GPC6: variants seen among roughly 807,000 people sequenced by gnomAD.
GPC6 encodes glypican 6, also known as glypican-6.
Under a neutral mutation model 55.2 loss-of-function variants are expected in GPC6, and 14 were observed. That is an observed-to-expected ratio of 0.25 (90% CI 0.17 to 0.40). GPC6 has a LOEUF of 0.40. GPC6 is among the 10% of genes least tolerant of loss of function. The probability of loss-of-function intolerance (pLI) is 1.00; values close to 1 mark genes in which losing one functional copy is unlikely to be tolerated. For missense variants in GPC6, 641 were observed against 708.5 expected, an observed-to-expected ratio of 0.90 and a Z score of 1.08; for synonymous variants, 278 against 259.6, an observed-to-expected ratio of 1.07 and a Z score of -0.68.
intron 2 of GPC6, among the ~76,000 whole-genome samples, chr13:93,806,205 C>T (rs181966899): frequency 6.6e-6 from 1 of 152,264 alleles, no homozygotes; most frequent in East Asian, 1.9e-4. Context: ...TAAGCCACAC[C>T]TTGGTTGTCA....
intron 3 of GPC6, among the ~76,000 whole-genome samples, chr13:93,833,314 G>C (rs7339346): frequency 6.6e-6 from 1 of 152,008 alleles, no homozygotes; most frequent in Non-Finnish European, 1.5e-5. Context: ...GTGATCTACT[G>C]GTACTATGAT....
At chr13:93,946,285 A>C (rs181487194) in intron 3 of GPC6, among the ~76,000 whole-genome samples, 1 of 152,202 alleles carries the variant, frequency 6.6e-6, no homozygotes, top group Admixed American at 6.5e-5. Context: ...GGAAGTCATA[A>C]GTTTTGAGCA....
chr13:93,449,647 G>A (rs1480249446), intron 1 of GPC6, among the ~76,000 whole-genome samples: 7 of 152,070 alleles, frequency 4.6e-5, no homozygotes, highest in Non-Finnish European at 7.4e-5. Context: ...GGCCAACATG[G>A]TGAAACCCCA....
At position 94,257,726 on chromosome 13, in the gene GPC6, A is replaced by C. The variant is rs140309856; in HGVS notation, c.878-28623A>C. Among the ~76,000 whole-genome samples, 1,120 of 152,330 alleles carry C rather than the reference A, an allele frequency of 7.4e-3. 8 individuals are homozygous for C. The highest frequency in any genetic ancestry group is 0.024 in the African/African-American group (998 of 41,582). On this transcript the variant is annotated intron_variant, in intron 4 of 8. Transcript: ENST00000377047. ...GCTGGTTTCTCATTTATTGAATGGC[A>C]GAAATAAGGCTAAATGTTGCAGATA...
chr13:93,498,271 T>A (rs902903694), intron 1 of GPC6, among the ~76,000 whole-genome samples: 3 of 152,242 alleles, frequency 2.0e-5, no homozygotes, highest in Admixed American at 2.0e-4. Context: ...CCTTTCCTGC[T>A]AGTCACTTGG....
intron 1 of GPC6, among the ~76,000 whole-genome samples, chr13:93,512,706 G>A (rs1881029152): frequency 6.6e-6 from 1 of 151,990 alleles, no homozygotes; most frequent in Admixed American, 6.6e-5. Flanking sequence ...GTTAGGAGAA[G>A]GAAGAAGATA....
At chr13:93,245,519 T>G (rs1209341485) in intron 1 of GPC6, among the ~76,000 whole-genome samples, 4 of 152,202 alleles carry the variant, frequency 2.6e-5, no homozygotes, top group African/African-American at 9.6e-5. Flanking sequence ...TCCCAGACTT[T>G]CTGATTCAGT....
chr13:93,428,009 A>T (rs1419179052), intron 1 of GPC6, among the ~76,000 whole-genome samples: 2 of 152,140 alleles, frequency 1.3e-5, no homozygotes, highest in African/African-American at 4.8e-5. Context: ...CTTCAGTACT[A>T]GTATTCTGCT....
intron 5 of GPC6, among the ~76,000 whole-genome samples, chr13:94,295,162 A>T (rs1312808910): frequency 1.3e-5 from 2 of 152,110 alleles, no homozygotes; most frequent in Non-Finnish European, 2.9e-5. Context: ...TAGTTGTTCT[A>T]TGTTGTGTGA....
At chr13:93,800,316 T>G (rs1594468391) in intron 2 of GPC6, among the ~76,000 whole-genome samples, 1 of 152,204 alleles carries the variant, frequency 6.6e-6, no homozygotes, top group East Asian at 1.9e-4. Flanking sequence ...GACCAGAGCT[T>G]ATTCATAATG....
chr13:93,707,985 G>A (rs1033742080), intron 2 of GPC6, among the ~76,000 whole-genome samples: 2 of 151,698 alleles, frequency 1.3e-5, no homozygotes, highest in Non-Finnish European at 2.9e-5. Flanking sequence ...TATGGCTAAT[G>A]TCCAATTCCT....
At chr13:94,010,676 A>G (rs754842804) in intron 3 of GPC6, among the ~76,000 whole-genome samples, 4 of 152,208 alleles carry the variant, frequency 2.6e-5, no homozygotes, top group Non-Finnish European at 5.9e-5. Flanking sequence ...GAATATTCGT[A>G]AATTATATTT....
At chr13:93,973,844 G>A (rs943546305) in intron 3 of GPC6, among the ~76,000 whole-genome samples, 87 of 152,136 alleles carry the variant, frequency 5.7e-4, no homozygotes, top group Non-Finnish European at 7.2e-4. Flanking sequence ...GGTTCTCAAA[G>A]GGGTACATGA....
rs78610624 is a variant in GPC6 at position 93,351,242 on chromosome 13, C to T, written c.160+123626C>T. On this transcript the variant is annotated intron_variant, in intron 1 of 8. Coordinates refer to ENST00000377047, the MANE Select transcript of GPC6 (RefSeq NM_005708.5). ...TTCATCCTGTTTATAATAGTAGTTGCAGTTAAACAAACTAAGCTAATATTA... is the reference window on the plus strand; with the variant it reads ...TTCATCCTGTTTATAATAGTAGTTGTAGTTAAACAAACTAAGCTAATATTA... Among the ~76,000 whole-genome samples the T allele has an allele frequency of 3.7e-4, 57 of 152,142 alleles. 2 individuals carry two copies. The East Asian group carries it at 8.1e-3, about 22-fold the overall frequency.
chr13:93,270,901 T>A (rs1321306515), intron 1 of GPC6, among the ~76,000 whole-genome samples: 2 of 152,174 alleles, frequency 1.3e-5, no homozygotes, highest in African/African-American at 4.8e-5. Flanking sequence ...AGATTAAAGC[T>A]GATTGTAGGT....
At chr13:93,581,756 T>C (rs145979230) in intron 2 of GPC6, among the ~76,000 whole-genome samples, 76 of 152,288 alleles carry the variant, frequency 5.0e-4, no homozygotes, top group African/African-American at 1.8e-3. Context: ...AACTTAGTTA[T>C]ATTAAATCTA....
At chr13:94,238,447 A>T (rs551683138) in intron 4 of GPC6, among the ~76,000 whole-genome samples, 1 of 152,246 alleles carries the variant, frequency 6.6e-6, no homozygotes, top group East Asian at 1.9e-4. Flanking sequence ...GAAACACAGG[A>T]TACATGGTCA....
At chr13:93,945,923 T>C (rs1179549702) in intron 3 of GPC6, among the ~76,000 whole-genome samples, 1 of 152,258 alleles carries the variant, frequency 6.6e-6, no homozygotes, top group Non-Finnish European at 1.5e-5. Flanking sequence ...CAGTCACTAC[T>C]GAATTGCATA....
In GPC6 at chr13:94,305,727, A is replaced by G. The variant is rs145148692; in HGVS notation, c.1009-253A>G. Among the ~76,000 whole-genome samples the G allele has an allele frequency of 9.3e-3, 1,423 of 152,324 alleles. 25 individuals are homozygous for G. The highest frequency in any genetic ancestry group is 0.032 in the African/African-American group (1,314 of 41,556). ...TGAGTAAGCAAATTTGCAAATATGTATCTACCAATAATAAGATTGACTGTG... is the reference window on the plus strand; with the variant it reads ...TGAGTAAGCAAATTTGCAAATATGTGTCTACCAATAATAAGATTGACTGTG... On this transcript the variant is annotated intron_variant, in intron 5 of 8. Coordinates refer to ENST00000377047, the MANE Select transcript of GPC6 (RefSeq NM_005708.5).
Sources: allele counts gnomAD v4.1 joint callset (sites outside exome capture counted in the v4.1 genomes callset), GRCh38; gene constraint gnomAD v4.1.1; transcripts MANE v1.5; gene names NCBI Gene and HGNC (gene_info 2026-07-23, HGNC 2026-07-21).